Variants in DAB1 observed in about 807,000 individuals in gnomAD.
The protein encoded by DAB1 is disabled homolog 1.
Under a neutral mutation model 64.6 loss-of-function variants are expected in DAB1, and 15 were observed. That is an observed-to-expected ratio of 0.23 (90% CI 0.16 to 0.36). The LOEUF (loss-of-function observed/expected upper bound fraction) is 0.36, where lower values mean the gene tolerates loss of function less well. DAB1 is among the 10% of genes least tolerant of loss of function. The probability of loss-of-function intolerance (pLI) is 1.00; values close to 1 mark genes in which losing one functional copy is unlikely to be tolerated. For missense variants in DAB1, 596 were observed against 706.7 expected, an observed-to-expected ratio of 0.84 and a Z score of 1.78; for synonymous variants, 235 against 251.9, an observed-to-expected ratio of 0.93 and a Z score of 0.64.
rs1023356333 is a variant in DAB1, at chr1:57,241,228, T to A, written c.67+49736A>T. On this transcript the variant is annotated intron_variant, in intron 2 of 14. Transcript: ENST00000371236. ...TCTTGTCACCCATCAGTCAACACAG[T>A]TCTAATCTCTGCTGCATAACAGCCA... Among the ~76,000 whole-genome samples, 6 of 152,300 alleles carry A rather than the reference T, an allele frequency of 3.9e-5. 1 individual carries two copies. In the South Asian group the frequency reaches 1.2e-3, roughly 32 times the overall value.
At chr1:58,296,915 G>A (rs1662008635) in intron 4 of DAB1, among the ~76,000 whole-genome samples, 1 of 152,160 alleles carries the variant, frequency 6.6e-6, no homozygotes. Flanking sequence ...GTCCAGAGAA[G>A]CATATTAATT....
intron 1 of DAB1, chr1:57,387,302 G>T (rs1216756388): frequency 6.6e-6 from 1 of 152,208 alleles, no homozygotes; most frequent in Non-Finnish European, 1.5e-5. Context: ...CCATAGCTAG[G>T]AGGATAAGGA....
intron 6 of DAB1, among the ~76,000 whole-genome samples, chr1:57,683,699 A>C (rs1049849846): frequency 3.9e-5 from 6 of 152,300 alleles, no homozygotes; most frequent in Non-Finnish European, 8.8e-5. Flanking sequence ...TCAGTGCAAG[A>C]ACTCTGGCAG....
chr1:57,717,064 C>A (rs894198963), intron 6 of DAB1, among the ~76,000 whole-genome samples: 2 of 151,680 alleles, frequency 1.3e-5, no homozygotes, highest in African/African-American at 4.8e-5. Flanking sequence ...CATAGTGAAA[C>A]CCCATCTCTA....
In DAB1 at chr1:58,137,182, T is replaced by C. The variant is rs144574031; in HGVS notation, n.387+13329A>G. Among the ~76,000 whole-genome samples, 412 of 152,328 alleles carry C rather than the reference T, an allele frequency of 2.7e-3. 4 individuals are homozygous for C. Among genetic ancestry groups the C allele is most frequent in the South Asian group, 7.9e-3 (38 of 4,824 alleles). ...CTCTACTTTCTACTCCATGGGGTCA[T>C]AGAATTACAAGACTAAAATCTTATA... On this transcript the variant is annotated intron_variant and non_coding_transcript_variant, in intron 5 of 20. Transcript: ENST00000485760.
rs12091413 is a variant in DAB1 at position 58,000,380 on chromosome 1, T to G, written n.388-116218A>C. On this transcript the variant is annotated intron_variant and non_coding_transcript_variant, in intron 5 of 20. Coordinates refer to the DAB1 transcript ENST00000485760. ...CAGCCGATGAATGTGATTTGTGACT[T>G]GCAGCTGCTGTATGTGTTTTGGCAC... Among the ~76,000 whole-genome samples the G allele has an allele frequency of 6.8e-3, 1,035 of 152,276 alleles. 13 individuals carry two copies. Among genetic ancestry groups the G allele is most frequent in the African/African-American group, 0.024 (988 of 41,558 alleles).
rs1491314125 is a variant in DAB1 at position 57,606,651 on chromosome 1, T to TA, written n.625+42940_625+42941insT. Reference sequence around the variant, plus strand: ...AAATATATTATATATGAAATATATATTATGTATGAAATATATATGAAATAT... The same window carrying TA: ...AAATATATTATATATGAAATATATATATATGTATGAAATATATATGAAATAT... On this transcript the variant is annotated intron_variant and non_coding_transcript_variant, in intron 7 of 20. Transcript: ENST00000485760. Among the ~76,000 whole-genome samples the TA allele has an allele frequency of 4.7e-3, 360 of 75,994 alleles. 7 individuals are homozygous for TA. Among genetic ancestry groups the TA allele is most frequent in the African/African-American group, 0.024 (347 of 14,744 alleles). The allele number at this position is 75,994 out of a possible 152,430, so 49.9% of individuals were successfully genotyped here.
chr1:57,044,073 T>A (rs896905889), intron 9 of DAB1, among the ~76,000 whole-genome samples: 1 of 152,210 alleles, frequency 6.6e-6, no homozygotes, highest in Non-Finnish European at 1.5e-5. Flanking sequence ...ACACTCTTCA[T>A]CTGATTGGTT....
At chr1:57,947,450 G>A (rs1056078695) in intron 5 of DAB1, among the ~76,000 whole-genome samples, 2 of 152,018 alleles carry the variant, frequency 1.3e-5, no homozygotes, top group East Asian at 1.9e-4. Context: ...CTTGTTGCAC[G>A]GGCTGTGAGT....
intron 4 of DAB1, among the ~76,000 whole-genome samples, chr1:57,096,543 G>C (rs1654184556): frequency 6.6e-6 from 1 of 152,092 alleles, no homozygotes; most frequent in Non-Finnish European, 1.5e-5. Flanking sequence ...TGAGAGCTTT[G>C]TTTTCTACTA....
chr1:57,541,305 AT>A (rs1644801219), intron 7 of DAB1, among the ~76,000 whole-genome samples: 1 of 151,706 alleles, frequency 6.6e-6, no homozygotes, highest in Non-Finnish European at 1.5e-5. Context: ...ATTTTTTTGT[AT>A]TTTTAGTAGA....
chr1:57,883,775 C>A (rs772531422), intron 1 of DAB1, among the ~76,000 whole-genome samples: 4 of 152,208 alleles, frequency 2.6e-5, no homozygotes, highest in Non-Finnish European at 5.9e-5. Flanking sequence ...CAAAGGCATG[C>A]GCCTTTCAGT....
chr1:58,489,877 G>C (rs1054636959), intron 3 of DAB1, among the ~76,000 whole-genome samples: 2 of 152,206 alleles, frequency 1.3e-5, no homozygotes, highest in African/African-American at 2.4e-5. Flanking sequence ...CTGCAGCTGA[G>C]GGTCCTGACT....
intron 9 of DAB1, among the ~76,000 whole-genome samples, chr1:57,055,524 C>T (rs1003648296): frequency 2.6e-5 from 4 of 152,184 alleles, no homozygotes; most frequent in African/African-American, 9.7e-5. Flanking sequence ...AGCTTTCCAT[C>T]TATACCTGGG....
intron 1 of DAB1, among the ~76,000 whole-genome samples, chr1:58,537,502 T>C (rs906239911): frequency 6.6e-6 from 1 of 152,164 alleles, no homozygotes; most frequent in Non-Finnish European, 1.5e-5. Flanking sequence ...ATTTTATAGA[T>C]AACATCTGAG....
At chr1:57,134,535 G>A (rs1039831273) in intron 4 of DAB1, among the ~76,000 whole-genome samples, 2 of 116,620 alleles carry the variant, frequency 1.7e-5, no homozygotes, top group African/African-American at 6.3e-5. Context: ...TTGTAGTGAA[G>A]GAGGGAGAGG....
intron 6 of DAB1, among the ~76,000 whole-genome samples, chr1:57,793,653 A>G (rs943390439): frequency 9.2e-5 from 14 of 152,106 alleles, no homozygotes; most frequent in African/African-American, 3.4e-4. Context: ...ACCAGATTTT[A>G]AGTTCTGGTT....
In DAB1 at chr1:57,774,790, T is replaced by C. The variant is rs911843251; in HGVS notation, n.551+109209A>G. Among the ~76,000 whole-genome samples, 4 of 151,924 alleles carry C rather than the reference T, an allele frequency of 2.6e-5. No homozygotes were observed. In the South Asian group the frequency reaches 8.3e-4, roughly 31 times the overall value. ...AGAATGTATTGCTCTTTTTGTTTAT[T>C]GTTAGCATGGCTCTGGCCTCATCTA... On this transcript the variant is annotated intron_variant and non_coding_transcript_variant, in intron 6 of 20. Transcript: ENST00000485760.
intron 6 of DAB1, among the ~76,000 whole-genome samples, chr1:57,776,389 GC>G (rs1649800313): frequency 6.6e-6 from 1 of 151,568 alleles, no homozygotes. Context: ...TCCATGTTTT[GC>G]TTTTAATCAT....
Sources: allele counts gnomAD v4.1 joint callset (sites outside exome capture counted in the v4.1 genomes callset), GRCh38; gene constraint gnomAD v4.1.1; transcripts MANE v1.5; gene names NCBI Gene and HGNC (gene_info 2026-07-23, HGNC 2026-07-21).